MBNL1: variants seen among roughly 807,000 people sequenced by gnomAD.
MBNL1 encodes muscleblind like splicing regulator 1.
Under a neutral mutation model 42.2 loss-of-function variants are expected in MBNL1, and 8 were observed. The ratio of observed to expected loss-of-function variants is 0.19; its 90% CI spans 0.11 to 0.34. The LOEUF (loss-of-function observed/expected upper bound fraction) is 0.34, where lower values mean the gene tolerates loss of function less well. MBNL1 is among the 10% of genes least tolerant of loss of function. The pLI is 1.00. For synonymous variants in MBNL1, 169 were observed against 173.9 expected (o/e 0.97, Z 0.22); for missense variants, 309 against 495.3 (o/e 0.62, Z 3.57).
At chr3:152,288,228 G>A (rs1056494983) in intron 1 of MBNL1, among the ~76,000 whole-genome samples, 1 of 152,200 alleles carries the variant, frequency 6.6e-6, no homozygotes, top group African/African-American at 2.4e-5. Flanking sequence ...AGGACAAAGT[G>A]AGGGCGGAAT....
intron 5 of MBNL1, among the ~76,000 whole-genome samples, chr3:152,446,970 C>T (rs559709756): frequency 1.2e-4 from 18 of 152,022 alleles, no homozygotes; most frequent in South Asian, 1.0e-3. Flanking sequence ...TTCTGAAAGC[C>T]CAGCAGCCCA....
rs1316084174 is a variant in MBNL1 at position 152,276,899 on chromosome 3, G to A, written c.-790+7807G>A. On this transcript the variant is annotated intron_variant, in intron 1 of 9. Coordinates refer to ENST00000324210, the MANE Select transcript of MBNL1 (RefSeq NM_021038.5). ...ACAGAGATGAGGGACTAGATGAGGG[G>A]AGTGGCCCTAGAATGAAAAGGAGGA... Among the ~76,000 whole-genome samples the A allele has an allele frequency of 3.3e-5, 5 of 152,150 alleles. No individual in the cohort carries two copies. In the East Asian group the frequency reaches 5.8e-4, roughly 18 times the overall value.
At chr3:152,329,707 A>G (rs901422901) in intron 2 of MBNL1, among the ~76,000 whole-genome samples, 4 of 147,166 alleles carry the variant, frequency 2.7e-5, no homozygotes, top group African/African-American at 9.9e-5. Flanking sequence ...ATATATATAT[A>G]TAATATATAT....
intron 1 of MBNL1, among the ~76,000 whole-genome samples, chr3:152,274,146 G>A (rs1030927304): frequency 3.3e-5 from 5 of 152,076 alleles, no homozygotes; most frequent in South Asian, 2.1e-4. Flanking sequence ...TTTTTCCTAC[G>A]TTTTCACTTT....
intron 2 of MBNL1, among the ~76,000 whole-genome samples, chr3:152,260,939 C>T (rs1252828776): frequency 6.6e-6 from 1 of 152,132 alleles, no homozygotes. Context: ...ACCAGCCTAC[C>T]CAAATCTAAT....
chr3:152,384,540 C>T (rs1179157462), intron 2 of MBNL1, among the ~76,000 whole-genome samples: 1 of 152,000 alleles, frequency 6.6e-6, no homozygotes, highest in African/African-American at 2.4e-5. Context: ...TATAGAACAA[C>T]ATATCTTAGA....
chr3:152,402,454 A>G (rs192044447), intron 2 of MBNL1, among the ~76,000 whole-genome samples: 2,566 of 152,290 alleles, frequency 0.017, 37 homozygotes, highest in Non-Finnish European at 0.025. Context: ...TTCTGATTTC[A>G]CTTCATGTGA....
chr3:152,314,645 G>A (rs1371982893), intron 2 of MBNL1, among the ~76,000 whole-genome samples: 1 of 152,214 alleles, frequency 6.6e-6, no homozygotes, highest in Non-Finnish European at 1.5e-5. Flanking sequence ...AAAGTGCTGA[G>A]ATTATAGGTG....
At chr3:152,417,799 C>T (rs954226638) in intron 3 of MBNL1, among the ~76,000 whole-genome samples, 1 of 152,116 alleles carries the variant, frequency 6.6e-6, no homozygotes, top group African/African-American at 2.4e-5. Flanking sequence ...GTTACAGAGG[C>T]TGCAACATAG....
chr3:152,384,395 A>C (rs1180857591), intron 2 of MBNL1, among the ~76,000 whole-genome samples: 1 of 152,142 alleles, frequency 6.6e-6, no homozygotes. Context: ...AAGATAATTG[A>C]AAATAAAATG....
intron 8 of MBNL1, chr3:152,458,292 G>A (rs1737823987): frequency 2.0e-6 from 2 of 1,017,122 alleles, no homozygotes; most frequent in Admixed American, 3.9e-5. Flanking sequence ...AAATAAAACA[G>A]GGACATATTA....
intron 1 of MBNL1, among the ~76,000 whole-genome samples, chr3:152,275,825 G>C (rs1246597128): frequency 6.7e-6 from 1 of 150,362 alleles, no homozygotes; most frequent in Non-Finnish European, 1.5e-5. Flanking sequence ...CTTTGTAAAT[G>C]TAAGAAGTGA....
intron 3 of MBNL1, among the ~76,000 whole-genome samples, chr3:152,419,829 C>G (rs915916025): frequency 1.3e-5 from 2 of 152,122 alleles, no homozygotes. Flanking sequence ...GCGGACCCCA[C>G]CCCCATGGAG....
chr3:152,458,414 A>T, intron 8 of MBNL1: 1 of 538,022 alleles, frequency 1.9e-6, no homozygotes, highest in South Asian at 2.1e-5. Flanking sequence ...TCTCCCAACA[A>T]CATTGCTGAA....
At chr3:152,368,297 G>T (rs1245535510) in intron 2 of MBNL1, among the ~76,000 whole-genome samples, 1 of 152,056 alleles carries the variant, frequency 6.6e-6, no homozygotes, top group Non-Finnish European at 1.5e-5. Flanking sequence ...TTTTTGTCAG[G>T]TTTGTCAAAG....
intron 3 of MBNL1, among the ~76,000 whole-genome samples, chr3:152,426,168 G>T (rs1288373153): frequency 6.6e-6 from 1 of 151,728 alleles, no homozygotes; most frequent in Admixed American, 6.6e-5. Context: ...TGGGCACGGG[G>T]GGGGAACATC....
At chr3:152,420,649 C>T (rs979981232) in intron 3 of MBNL1, among the ~76,000 whole-genome samples, 3 of 152,180 alleles carry the variant, frequency 2.0e-5, no homozygotes, top group South Asian at 2.1e-4. Context: ...GGTAAATCCA[C>T]GAAGATGAGG....
At chr3:152,345,925 G>A (rs956888856) in intron 2 of MBNL1, among the ~76,000 whole-genome samples, 1 of 152,104 alleles carries the variant, frequency 6.6e-6, no homozygotes, top group African/African-American at 2.4e-5. Flanking sequence ...ACTTAGAACA[G>A]TGTTCAATAG....
Position 152,465,145 on chromosome 3 carries a change from A to G in MBNL1, c.*2779A>G, listed in dbSNP as rs556184327. On this transcript the variant is annotated 3_prime_UTR_variant, in exon 10 of 10. Coordinates refer to ENST00000324210, the MANE Select transcript of MBNL1 (RefSeq NM_021038.5). The stretch of plus-strand genomic sequence containing the variant: ...GCAGGTACTTCTACCATTAAGGTGA[A>G]ATCATGGATCAGATATTCCTTACAT... 1.3e-5 allele frequency: 2 copies of G among 152,458 alleles called. No homozygotes were observed. Among genetic ancestry groups the G allele is most frequent in the African/African-American group, 4.8e-5 (2 of 41,568 alleles). The allele number at this position is 152,458 out of a possible 1,614,324, so 9.4% of individuals were successfully genotyped here. A position where few individuals can be genotyped will look rare whatever the true frequency, so the allele number is the denominator to read the frequency against.
Sources: allele counts gnomAD v4.1 joint callset (sites outside exome capture counted in the v4.1 genomes callset), GRCh38; gene constraint gnomAD v4.1.1; transcripts MANE v1.5; gene names NCBI Gene and HGNC (gene_info 2026-07-23, HGNC 2026-07-21).